Variants in LRP1B observed in about 807,000 individuals in gnomAD.
LRP1B encodes LDL receptor related protein 1B.
LRP1B carries 217 observed loss-of-function variants against 556.6 expected under a neutral mutation model. That is an observed-to-expected ratio of 0.39 (90% CI 0.35 to 0.44). The LOEUF (loss-of-function observed/expected upper bound fraction) is 0.44. LRP1B is among the 20% of genes least tolerant of loss of function. The pLI is 1.00. For synonymous variants in LRP1B, 2,047 were observed against 1,865.8 expected (o/e 1.10, Z -2.50); for missense variants, 5,053 against 5,620.8 (o/e 0.90, Z 3.23).
chr2:141,467,130 A>G lies in LRP1B; in HGVS notation c.343+13266T>C, dbSNP rs1473634174. 7.6e-3 allele frequency among the ~76,000 whole-genome samples: 139 copies of G among 18,200 alleles called. 10 individuals carry two copies. The highest frequency in any genetic ancestry group is 0.016 in the East Asian group (4 of 256). The allele number at this position is 18,200 out of a possible 152,430, so 11.9% of individuals were successfully genotyped here. On this transcript the variant is annotated intron_variant, in intron 3 of 90. Coordinates refer to ENST00000389484, the MANE Select transcript of LRP1B (RefSeq NM_018557.3). ...TATATATATATATATATATCTATATATATATATATATATATATATATCCTC... is the reference window on the plus strand; with the variant it reads ...TATATATATATATATATATCTATATGTATATATATATATATATATATCCTC...
chr2:141,511,170 C>T (rs1008437518), intron 2 of LRP1B, among the ~76,000 whole-genome samples: 2 of 152,062 alleles, frequency 1.3e-5, no homozygotes, highest in Admixed American at 1.3e-4. Context: ...ATATGTGGTG[C>T]AGTTATAAAA....
At chr2:140,441,293 A>G (rs1686417505) in intron 66 of LRP1B, among the ~76,000 whole-genome samples, 1 of 152,200 alleles carries the variant, frequency 6.6e-6, no homozygotes, top group Admixed American at 6.5e-5. Context: ...CATAAGTGAA[A>G]ATGCAAAAGA....
intron 6 of LRP1B, among the ~76,000 whole-genome samples, chr2:141,206,673 C>T (rs780065978): frequency 6.6e-6 from 1 of 152,114 alleles, no homozygotes; most frequent in Non-Finnish European, 1.5e-5. Flanking sequence ...CTCTTTCAGC[C>T]TCATTCCATC....
At chr2:141,358,182 T>C (rs978782272) in intron 3 of LRP1B, among the ~76,000 whole-genome samples, 4 of 152,182 alleles carry the variant, frequency 2.6e-5, no homozygotes, top group African/African-American at 7.2e-5. Flanking sequence ...AGTTAGAATA[T>C]TGAGTGTTTG....
intron 17 of LRP1B, 96 bp from the exon 18 acceptor site, chr2:140,982,372 T>C (rs1020472581): frequency 5.5e-6 from 4 of 728,892 alleles, no homozygotes; most frequent in Admixed American, 2.2e-5. Context: ...ATACATAAGA[T>C]AGTATGTTTC....
At chr2:140,590,041 T>C (rs1574114153) in intron 43 of LRP1B, among the ~76,000 whole-genome samples, 1 of 152,214 alleles carries the variant, frequency 6.6e-6, no homozygotes, top group East Asian at 1.9e-4. Flanking sequence ...TGTATTACTT[T>C]GTACAACTTC....
In LRP1B at chr2:141,052,640, C is replaced by T. The variant is rs79425540; in HGVS notation, c.1552+2476G>A. ...GCAAATGTCTTACGAACTGTGACAT[C>T]GATTTCTAATTATATTAGCAATACA... On this transcript the variant is annotated intron_variant, in intron 10 of 90. Coordinates refer to ENST00000389484, the MANE Select transcript of LRP1B (RefSeq NM_018557.3). Among the ~76,000 whole-genome samples, 657 of 152,070 alleles carry T rather than the reference C, an allele frequency of 4.3e-3. 4 individuals carry two copies. The highest frequency in any genetic ancestry group is 0.015 in the African/African-American group (634 of 41,518).
intron 8 of LRP1B, 24 bp downstream of exon 8, chr2:141,062,027 G>A (rs371011809): frequency 3.5e-5 from 56 of 1,580,328 alleles, no homozygotes; most frequent in Admixed American, 8.4e-5. Flanking sequence ...CCCTAGGAGC[G>A]TTGTCTAACA....
chr2:140,907,883 G>A lies in LRP1B; in HGVS notation c.3514C>T (p.Leu1172Phe), dbSNP rs2105231587. The A allele has an allele frequency of 6.2e-7, 1 of 1,613,328 alleles. No individual in the cohort carries two copies. The highest frequency in any genetic ancestry group is 8.5e-7 in the Non-Finnish European group (1 of 1,179,444). The change falls in exon 22 of 91, where the codon CTC becomes TTC. Residue 1172 changes from leucine (L) to phenylalanine (F), a missense_variant. Around this residue, in one of 5 missense-constraint regions of LRP1B, gnomAD observed 3,619 missense variants for 3,931.9 expected, o/e 0.92. Coordinates refer to ENST00000389484, the MANE Select transcript of LRP1B (RefSeq NM_018557.3). ...DCPDGSDEGY[L>F]CDECSLNNGG... ...ACAATTAAACATGCAATACCACAGA[G>A]ATAGCCTTCATCAGAGCCATCAGGA...
intron 11 of LRP1B, among the ~76,000 whole-genome samples, chr2:141,025,511 G>T (rs1236928394): frequency 6.6e-6 from 1 of 152,060 alleles, no homozygotes; most frequent in South Asian, 2.1e-4. Context: ...TAATAAGCAG[G>T]TTACTCTCTA....
At chr2:140,264,791 CCAATT>C (rs1441388389) in intron 86 of LRP1B, among the ~76,000 whole-genome samples, 1 of 150,402 alleles carries the variant, frequency 6.6e-6, no homozygotes, top group Non-Finnish European at 1.5e-5. Context: ...GATGTTAAGT[CCAATT>C]CAATCAATAT....
At chr2:140,303,024 T>TATATAC (rs955223507) in intron 83 of LRP1B, among the ~76,000 whole-genome samples, 7 of 110,614 alleles carry the variant, frequency 6.3e-5, no homozygotes, top group African/African-American at 3.5e-4. Context: ...TATATATATA[T>TATATAC]ATATATATAT....
chr2:141,005,504 T>A lies in LRP1B; in HGVS notation c.2381-47A>T, dbSNP rs112306192. 134 of 1,597,924 alleles carry A rather than the reference T, an allele frequency of 8.4e-5. 1 individual carries two copies. The African/African-American group carries it at 1.7e-3, about 20-fold the overall frequency. ...TGTGTCAGAGAACTCTGATTCACGT[T>A]CTTTCTAGGAGGTGAACATAGATGT... On this transcript the variant is annotated intron_variant, in intron 14 of 90. Transcript: ENST00000389484.
At chr2:141,816,593 T>C (rs1696558440) in intron 1 of LRP1B, among the ~76,000 whole-genome samples, 1 of 152,130 alleles carries the variant, frequency 6.6e-6, no homozygotes, top group Non-Finnish European at 1.5e-5. Context: ...GCTTTCTGGC[T>C]CCTCAGCTTC....
chr2:140,980,529 A>G (rs1429363), intron 18 of LRP1B, among the ~76,000 whole-genome samples: 80,906 of 151,988 alleles, frequency 0.53, 23,567 homozygotes, highest in Non-Finnish European at 0.65. Flanking sequence ...TACTATGTCA[A>G]TTACCACCAC....
At chr2:140,264,271 C>T (rs1682085400) in intron 86 of LRP1B, among the ~76,000 whole-genome samples, 1 of 152,084 alleles carries the variant, frequency 6.6e-6, no homozygotes, top group Non-Finnish European at 1.5e-5. Context: ...CTGTGTCACT[C>T]AGGCTGGAGT....
intron 3 of LRP1B, among the ~76,000 whole-genome samples, chr2:141,303,435 C>A (rs938713298): frequency 3.9e-5 from 6 of 152,138 alleles, no homozygotes; most frequent in African/African-American, 1.4e-4. Context: ...TAATCACCAA[C>A]CCCACACACC....
At chr2:141,169,800 CAAAA>C (rs574461113) in intron 7 of LRP1B, among the ~76,000 whole-genome samples, 10 of 87,398 alleles carry the variant, frequency 1.1e-4, no homozygotes, top group African/African-American at 2.9e-4. Context: ...ACACCTTAAC[CAAAA>C]AAAAAAAAAA....
chr2:140,354,914 G>A (rs1031361602), intron 75 of LRP1B, among the ~76,000 whole-genome samples: 54 of 152,006 alleles, frequency 3.6e-4, no homozygotes, highest in African/African-American at 1.3e-3. Context: ...AGATACATAA[G>A]TGAAGGGCAC....
Sources: allele counts gnomAD v4.1 joint callset (sites outside exome capture counted in the v4.1 genomes callset), GRCh38; gene constraint gnomAD v4.1.1; regional missense constraint gnomAD v4.1.1; transcripts MANE v1.5; gene names NCBI Gene and HGNC (gene_info 2026-07-23, HGNC 2026-07-21).